The following RYR3 variants were observed in gnomAD, a reference collection of about 807,000 sequenced individuals.
RYR3 encodes ryanodine receptor 3.
A neutral mutation model predicts 584.3 loss-of-function variants in RYR3; 207 were observed. The ratio of observed to expected loss-of-function variants is 0.35; its 90% CI spans 0.32 to 0.40. The LOEUF is 0.40. RYR3 is among the 10% of genes least tolerant of loss of function. The pLI, the probability that RYR3 is intolerant of heterozygous loss-of-function variation, is 1.00. For missense variants in RYR3, 5,616 were observed against 6,089.2 expected (o/e 0.92, Z 2.59); for synonymous variants, 2,416 against 2,248.5 (o/e 1.07, Z -2.11).
chr15:33,752,533 T>C (rs2071413182), intron 57 of RYR3, among the ~76,000 whole-genome samples: 2 of 151,906 alleles, frequency 1.3e-5, no homozygotes, highest in Admixed American at 1.3e-4. Context: ...TCTCTGTTTG[T>C]CTTTTATTGG....
intron 2 of RYR3, among the ~76,000 whole-genome samples, chr15:33,480,402 T>C (rs2049849999): frequency 6.6e-6 from 1 of 152,188 alleles, no homozygotes; most frequent in South Asian, 2.1e-4. Flanking sequence ...TCCTAACACA[T>C]CAGAAGTGCT....
intron 27 of RYR3, among the ~76,000 whole-genome samples, chr15:33,641,432 G>A (rs1021309961): frequency 6.6e-6 from 1 of 152,156 alleles, no homozygotes; most frequent in Non-Finnish European, 1.5e-5. Flanking sequence ...TCATTCCATG[G>A]TTGTTCCCCC....
intron 91 of RYR3, 55 bp from the exon 92 acceptor site, chr15:33,843,432 GA>G: frequency 3.3e-6 from 4 of 1,230,130 alleles, no homozygotes; most frequent in Non-Finnish European, 4.7e-6. Context: ...GTGAAAGTAG[GA>G]AGTTCTCTTT....
intron 65 of RYR3, among the ~76,000 whole-genome samples, chr15:33,784,353 A>G (rs2074574381): frequency 6.6e-6 from 1 of 152,248 alleles, no homozygotes. Flanking sequence ...CTGAAAATCT[A>G]GAGAAGAAAG....
At chr15:33,825,795 C>T (rs1025401185) in intron 82 of RYR3, 119 bp downstream of exon 82, 31 of 620,652 alleles carry the variant, frequency 5.0e-5, no homozygotes, top group African/African-American at 2.9e-4. Context: ...TGCAGTGGCG[C>T]GATCTCACCT....
intron 27 of RYR3, among the ~76,000 whole-genome samples, chr15:33,640,299 C>T (rs920360667): frequency 1.2e-4 from 18 of 152,184 alleles, no homozygotes; most frequent in African/African-American, 3.9e-4. Context: ...GGCAGGGGAG[C>T]GTGGCCTGTT....
At chr15:33,699,671 C>A (rs1367850525) in intron 40 of RYR3, 33 bp from the exon 41 acceptor site, 7 of 1,603,282 alleles carry the variant, frequency 4.4e-6, no homozygotes, top group South Asian at 1.1e-5. Context: ...ATGATAGATT[C>A]TTTTGTCTGA....
chr15:33,700,097 G>A (rs2066190012), intron 41 of RYR3, among the ~76,000 whole-genome samples: 1 of 152,174 alleles, frequency 6.6e-6, no homozygotes, highest in Non-Finnish European at 1.5e-5. Context: ...TCTCTCTTGG[G>A]ACCAGTGGCC....
intron 85 of RYR3, among the ~76,000 whole-genome samples, chr15:33,829,467 G>A (rs1239184593): frequency 6.6e-6 from 1 of 152,132 alleles, no homozygotes; most frequent in Admixed American, 6.6e-5. Flanking sequence ...AAACATTGTG[G>A]GCCAGGCCCA....
chr15:33,864,524 A>G (rs1889762276), intron 103 of RYR3, among the ~76,000 whole-genome samples: 1 of 152,200 alleles, frequency 6.6e-6, no homozygotes, highest in African/African-American at 2.4e-5. Flanking sequence ...TCAGAGTACA[A>G]CGGAGTGAGA....
In RYR3 at chr15:33,841,894, C is replaced by G. The variant is rs1166392672; in HGVS notation, c.13068C>G (p.Asp4356Glu). ...AAGATGGAGAGAAGGAAGACAAAGA[C>G]AAAGAAGAGGAGCAAGCTGAGTACC... ...DMEDGEKEDK[D>E]KEEEQAEYLW... The change falls in exon 91 of 104, where the codon GAC becomes GAG. Residue 4356 changes from aspartate (D) to glutamate (E), a missense_variant. Physicochemically the swap from Asp to Glu is conservative, Grantham distance 45 (BLOSUM62 2). Coordinates refer to ENST00000634891, the MANE Select transcript of RYR3 (RefSeq NM_001036.6). 1 of 1,595,258 alleles carries G rather than the reference C, an allele frequency of 6.3e-7. No homozygotes were observed. Among genetic ancestry groups the G allele is most frequent in the Non-Finnish European group, 8.5e-7 (1 of 1,171,052 alleles).
At chr15:33,840,681 A>G in intron 89 of RYR3, 144 bp from the exon 90 acceptor site, 1 of 706,288 alleles carries the variant, frequency 1.4e-6, no homozygotes, top group South Asian at 1.7e-5. Context: ...ATAGCAGGAC[A>G]CTTATGTTCA....
chr15:33,514,795 A>T (rs1449915664), intron 3 of RYR3, among the ~76,000 whole-genome samples: 1 of 151,878 alleles, frequency 6.6e-6, no homozygotes, highest in Non-Finnish European at 1.5e-5. Flanking sequence ...AGGTCAGGAG[A>T]TCGAGACCAT....
intron 37 of RYR3, 37 bp downstream of exon 37, chr15:33,669,493 CAAG>C (rs774322222): frequency 3.8e-6 from 6 of 1,562,002 alleles, no homozygotes; most frequent in African/African-American, 1.4e-5. Context: ...CCTTTTTTTA[CAAG>C]AAGAGTCTGT....
At position 33,662,655 on chromosome 15, in the gene RYR3, C is replaced by T. The variant is rs534126465; in HGVS notation, c.5125C>T (p.His1709Tyr). 19 of 1,614,068 alleles carry T rather than the reference C, an allele frequency of 1.2e-5. No homozygotes were observed. The African/African-American group carries it at 2.3e-4, about 19-fold the overall frequency. Residue 1709 changes from histidine (H) to tyrosine (Y), a missense_variant, in exon 35 of 104, where the codon CAC (histidine) becomes TAC (tyrosine). His to Tyr is a moderately conservative substitution (Grantham distance 83, BLOSUM62 2). This residue lies in a region of RYR3 where 753 missense variants were observed against 741.0 expected (regional missense o/e 1.02). Transcript: ENST00000634891. Reference protein sequence around the residue: ...LTEAVQCSGAHIRDPVGGSVE... With the variant: ...LTEAVQCSGAYIRDPVGGSVE... Reference sequence around the variant, plus strand: ...AGAGGCAGTGCAGTGCAGCGGGGCCCACATCCGAGACCCTGTAGGGGGGTC... The same window carrying T: ...AGAGGCAGTGCAGTGCAGCGGGGCCTACATCCGAGACCCTGTAGGGGGGTC...
At chr15:33,491,827 A>C (rs753037808) in intron 2 of RYR3, among the ~76,000 whole-genome samples, 15 of 152,158 alleles carry the variant, frequency 9.9e-5, no homozygotes, top group Non-Finnish European at 1.3e-4. Context: ...TTCAAGTAGG[A>C]GGAGACTGAG....
chr15:33,404,734 T>A (rs1447447126), intron 1 of RYR3, among the ~76,000 whole-genome samples: 1 of 152,194 alleles, frequency 6.6e-6, no homozygotes, highest in African/African-American at 2.4e-5. Flanking sequence ...AATAAAAGTA[T>A]AAACTGGACT....
intron 38 of RYR3, among the ~76,000 whole-genome samples, chr15:33,685,804 A>G (rs904142914): frequency 3.3e-5 from 5 of 152,264 alleles, no homozygotes; most frequent in Non-Finnish European, 7.3e-5. Flanking sequence ...AAAACCGCAC[A>G]ACTACATGGA....
At chr15:33,480,808 A>G (rs1555494355) in intron 2 of RYR3, among the ~76,000 whole-genome samples, 2 of 152,210 alleles carry the variant, frequency 1.3e-5, no homozygotes, top group Non-Finnish European at 2.9e-5. Flanking sequence ...TCTTGAAAAC[A>G]TGGTGTGTCC....
Sources: gnomAD v4.1 joint callset for allele counts (sites outside exome capture counted in the v4.1 genomes callset) on GRCh38, gnomAD v4.1.1 for gene constraint, gnomAD v4.1.1 regional missense constraint, MANE v1.5 for transcripts, NCBI Gene and HGNC (gene_info 2026-07-23, HGNC 2026-07-21) for gene names.